Variants in TBC1D5 observed in about 807,000 individuals in gnomAD.
TBC1D5 encodes the protein TBC1 domain family, member 5.
A neutral mutation model predicts 100.3 loss-of-function variants in TBC1D5; 75 were observed. The ratio of observed to expected loss-of-function variants is 0.75; its 90% CI spans 0.62 to 0.91. The LOEUF (loss-of-function observed/expected upper bound fraction) is 0.91, where lower values mean the gene tolerates loss of function less well. Ranked by LOEUF, TBC1D5 falls within the 40% of genes least tolerant of loss-of-function variation. The pLI, the probability that TBC1D5 is intolerant of heterozygous loss-of-function variation, is 0.00. For missense variants in TBC1D5, 910 were observed against 942.4 expected, an observed-to-expected ratio of 0.97 and a Z score of 0.45; for synonymous variants, 323 against 325.6, an observed-to-expected ratio of 0.99 and a Z score of 0.09.
At chr3:17,559,246 T>C (rs2096541830) in intron 2 of TBC1D5, among the ~76,000 whole-genome samples, 1 of 152,060 alleles carries the variant, frequency 6.6e-6, no homozygotes, top group South Asian at 2.1e-4. Flanking sequence ...GTTCAAGCGA[T>C]TCTCCTGCCT....
intron 1 of TBC1D5, among the ~76,000 whole-genome samples, chr3:17,686,888 A>G (rs910872436): frequency 6.6e-6 from 1 of 152,112 alleles, no homozygotes; most frequent in African/African-American, 2.4e-5. Flanking sequence ...CTCCTACAAC[A>G]AGGAATTATC....
chr3:17,581,599 T>C (rs1002573937), intron 2 of TBC1D5, among the ~76,000 whole-genome samples: 1 of 152,200 alleles, frequency 6.6e-6, no homozygotes, highest in Non-Finnish European at 1.5e-5. Flanking sequence ...ATCTCTTTCT[T>C]GCATAACTCA....
chr3:17,191,115 A>C (rs1008130430), intron 18 of TBC1D5, among the ~76,000 whole-genome samples: 1 of 152,314 alleles, frequency 6.6e-6, no homozygotes, highest in African/African-American at 2.4e-5. Context: ...AAGAGTATTA[A>C]AATAAGTGGT....
chr3:17,639,635 A>T (rs2064311149), intron 1 of TBC1D5, among the ~76,000 whole-genome samples: 2 of 152,132 alleles, frequency 1.3e-5, no homozygotes, highest in African/African-American at 4.8e-5. Flanking sequence ...TTCCACCATA[A>T]AAAAGGGGGT....
intron 14 of TBC1D5, among the ~76,000 whole-genome samples, chr3:17,306,440 T>G (rs1470829111): frequency 6.6e-6 from 1 of 152,194 alleles, no homozygotes; most frequent in Non-Finnish European, 1.5e-5. Context: ...TAAAATAAGT[T>G]GGGTTAAATA....
At position 17,531,817 on chromosome 3, in the gene TBC1D5, T is replaced by C. The variant is rs564205137; in HGVS notation, c.-35-23212A>G. Among the ~76,000 whole-genome samples the C allele has an allele frequency of 6.0e-4, 92 of 152,224 alleles. 1 individual carries two copies. Among genetic ancestry groups the C allele is most frequent in the African/African-American group, 6.7e-4 (28 of 41,554 alleles). On this transcript the variant is annotated intron_variant, in intron 2 of 21. Coordinates refer to ENST00000253692, the Ensembl canonical transcript of TBC1D5. ...CTGAAACTGGATCCCTTCCTTACACTTTATACAAAAATTAATTCAAGATGG... is the reference window on the plus strand; with the variant it reads ...CTGAAACTGGATCCCTTCCTTACACCTTATACAAAAATTAATTCAAGATGG...
chr3:17,358,940 G>A (rs1189557393), intron 13 of TBC1D5, among the ~76,000 whole-genome samples: 1 of 151,838 alleles, frequency 6.6e-6, no homozygotes, highest in South Asian at 2.1e-4. Flanking sequence ...ATTAGAGAAA[G>A]CAAATTTTAA....
intron 2 of TBC1D5, among the ~76,000 whole-genome samples, chr3:17,574,992 G>C (rs1257270802): frequency 6.6e-6 from 1 of 151,930 alleles, no homozygotes; most frequent in African/African-American, 2.4e-5. Flanking sequence ...AAACACCCTA[G>C]GTTGTTCCAT....
At chr3:17,203,221 T>A (rs1416992791) in intron 18 of TBC1D5, among the ~76,000 whole-genome samples, 1 of 152,230 alleles carries the variant, frequency 6.6e-6, no homozygotes, top group Admixed American at 6.5e-5. Context: ...TAAGATTTAA[T>A]GACTGCCCTG....
At chr3:17,375,479 A>G (rs1369554294) in intron 10 of TBC1D5, among the ~76,000 whole-genome samples, 1 of 152,038 alleles carries the variant, frequency 6.6e-6, no homozygotes, top group East Asian at 1.9e-4. Flanking sequence ...AGGCAGGAGA[A>G]TCACTTGAAC....
intron 9 of TBC1D5, among the ~76,000 whole-genome samples, chr3:17,380,045 A>ATATGTGTGTGTGTGTGTG (rs61397296): frequency 8.9e-6 from 1 of 112,450 alleles, no homozygotes; most frequent in South Asian, 2.8e-4. Context: ...GTGACTGTGT[A>ATATGTGTGTGTGTGTGTG]TGTGTGTGTG....
rs34625799 is a variant in TBC1D5 at position 17,596,700 on chromosome 3, C to CAAAAAA, written c.-36+27143_-36+27148dup. ...CAGGCAACAATGAGAGACTCCATCT[C>CAAAAAA]AAAAAAAAAAAAAAAAAAAAAGAAT... On this transcript the variant is annotated intron_variant, in intron 2 of 21. Transcript: ENST00000253692. Among the ~76,000 whole-genome samples the CAAAAAA allele has an allele frequency of 2.6e-3, 115 of 44,906 alleles. 1 individual carries two copies. Among genetic ancestry groups the CAAAAAA allele is most frequent in the Non-Finnish European group, 4.6e-3 (97 of 21,214 alleles). 29.5% of individuals were successfully genotyped at this position (44,906 alleles called of 152,430 possible).
At chr3:17,312,876 T>C (rs948208640) in intron 13 of TBC1D5, among the ~76,000 whole-genome samples, 5 of 152,156 alleles carry the variant, frequency 3.3e-5, no homozygotes, top group East Asian at 3.9e-4. Flanking sequence ...CATGAACATG[T>C]TGGGTACAGA....
intron 1 of TBC1D5, among the ~76,000 whole-genome samples, chr3:17,651,793 G>A (rs1454135715): frequency 6.6e-6 from 1 of 152,038 alleles, no homozygotes; most frequent in Non-Finnish European, 1.5e-5. Context: ...CCATTGTTAG[G>A]TGAGGAGAAG....
intron 8 of TBC1D5, among the ~76,000 whole-genome samples, chr3:17,397,676 C>G (rs1183225705): frequency 2.0e-5 from 3 of 151,994 alleles, no homozygotes; most frequent in Non-Finnish European, 2.9e-5. Context: ...CACACCTGGC[C>G]CAAGAAAGCT....
intron 16 of TBC1D5, among the ~76,000 whole-genome samples, chr3:17,243,475 C>T (rs1316378150): frequency 1.3e-5 from 2 of 151,898 alleles, no homozygotes; most frequent in African/African-American, 4.8e-5. Context: ...ATATAGCACA[C>T]TCTACCTCCA....
Position 17,488,318 on chromosome 3 carries a change from T to A in TBC1D5, c.97+20156A>T, listed in dbSNP as rs540745882. 1.8e-4 allele frequency among the ~76,000 whole-genome samples: 27 copies of A among 152,330 alleles called. 1 individual carries two copies. In the East Asian group the frequency reaches 2.7e-3, roughly 15 times the overall value. ...CTTTTTGTGCTTTGATAACTTATTC[T>A]TTTTATCACTGAATAATTCCATTGC... is the stretch of plus-strand genomic sequence containing the variant. On this transcript the variant is annotated intron_variant, in intron 3 of 21. Coordinates refer to ENST00000253692, the Ensembl canonical transcript of TBC1D5.
At chr3:17,504,579 C>G (rs1187979079) in intron 3 of TBC1D5, among the ~76,000 whole-genome samples, 9 of 152,016 alleles carry the variant, frequency 5.9e-5, no homozygotes, top group African/African-American at 1.7e-4. Flanking sequence ...TGAGCAAGAC[C>G]AGACAGACAA....
chr3:17,482,292 ATT>A (rs1164969186), intron 3 of TBC1D5, among the ~76,000 whole-genome samples: 18 of 152,228 alleles, frequency 1.2e-4, no homozygotes, highest in African/African-American at 4.3e-4. Flanking sequence ...AATAAATAAT[ATT>A]AAGTGATTAA....
Sources: gnomAD v4.1 joint callset for allele counts (sites outside exome capture counted in the v4.1 genomes callset) on GRCh38, gnomAD v4.1.1 for gene constraint, MANE v1.5 for transcripts, NCBI Gene and HGNC (gene_info 2026-07-23, HGNC 2026-07-21) for gene names.